The following ZCCHC10 variants were observed in gnomAD, a reference collection of about 807,000 sequenced individuals.
ZCCHC10 encodes zinc finger CCHC-type containing 10, also known as zinc finger CCHC domain-containing protein 10.
A neutral mutation model predicts 19.5 loss-of-function variants in ZCCHC10; 16 were observed. The ratio of observed to expected loss-of-function variants is 0.82; its 90% CI spans 0.56 to 1.25. ZCCHC10 has a LOEUF of 1.25. Among genes scored for constraint, ZCCHC10 ranks in the 50% most tolerant of loss-of-function variants. The probability of loss-of-function intolerance (pLI) is 0.00; values close to 1 mark genes in which losing one functional copy is unlikely to be tolerated. For synonymous variants in ZCCHC10, 67 were observed against 72.5 expected (o/e 0.92, Z 0.38); for missense variants, 197 against 201.0 (o/e 0.98, Z 0.12).
chr5:132,999,100 G>C (rs73273041), intron 4 of ZCCHC10, among the ~76,000 whole-genome samples: 5,913 of 151,998 alleles, frequency 0.039, 401 homozygotes, highest in East Asian at 0.29. Flanking sequence ...ATTTTTAGTA[G>C]AGACGGGGTT....
chr5:133,000,044 G>A (rs1762661552), intron 4 of ZCCHC10, 88 bp downstream of exon 4: 1 of 1,447,370 alleles, frequency 6.9e-7, no homozygotes, highest in Non-Finnish European at 9.6e-7. Context: ...CACTGCATCT[G>A]GCATAGCTAT....
intron 3 of ZCCHC10, among the ~76,000 whole-genome samples, chr5:133,002,451 C>T (rs189713433): frequency 6.6e-6 from 1 of 152,202 alleles, no homozygotes; most frequent in African/African-American, 2.4e-5. Flanking sequence ...AAGTGATCCT[C>T]CCACCTTAGC....
At chr5:133,001,333 G>C (rs778641075) in intron 3 of ZCCHC10, among the ~76,000 whole-genome samples, 40 of 152,154 alleles carry the variant, frequency 2.6e-4, no homozygotes, top group South Asian at 8.3e-4. Context: ...AGAGGTTGCA[G>C]TGAGCTGAGA....
chr5:133,000,483 T>C (rs1023564188), intron 3 of ZCCHC10, among the ~76,000 whole-genome samples: 1 of 152,182 alleles, frequency 6.6e-6, no homozygotes, highest in Non-Finnish European at 1.5e-5. Context: ...CTGATATAGC[T>C]GTATCACTAC....
intron 2 of ZCCHC10, among the ~76,000 whole-genome samples, chr5:133,021,187 G>C (rs540995465): frequency 6.6e-6 from 1 of 151,800 alleles, no homozygotes; most frequent in Non-Finnish European, 1.5e-5. Context: ...GAGCCACCGC[G>C]CACGGCCTAA....
chr5:133,016,658 G>T (rs1763940668), intron 2 of ZCCHC10, among the ~76,000 whole-genome samples: 1 of 151,992 alleles, frequency 6.6e-6, no homozygotes, highest in Non-Finnish European at 1.5e-5. Flanking sequence ...GGCCAGGCTG[G>T]TCTTGAACTC....
intron 3 of ZCCHC10, among the ~76,000 whole-genome samples, chr5:133,006,193 C>A (rs1449001238): frequency 6.6e-6 from 1 of 151,972 alleles, no homozygotes; most frequent in East Asian, 1.9e-4. Context: ...CCATGTTGGC[C>A]AGGCGTCGGC....
At chr5:133,006,962 T>C in intron 2 of ZCCHC10, 42 bp from the exon 3 acceptor site, 1 of 1,532,192 alleles carries the variant, frequency 6.5e-7, no homozygotes, top group Non-Finnish European at 8.8e-7. Flanking sequence ...AAATTCTGTC[T>C]TGTGACTTTC....
chr5:133,007,306 G>A (rs977419662), intron 2 of ZCCHC10, among the ~76,000 whole-genome samples: 1 of 152,122 alleles, frequency 6.6e-6, no homozygotes, highest in Non-Finnish European at 1.5e-5. Context: ...ACTTTGGGAG[G>A]CTAAGGCAGG....
chr5:133,018,932 C>G (rs11956947), intron 2 of ZCCHC10: 90,518 of 335,350 alleles, frequency 0.27, 13,843 homozygotes, highest in African/African-American at 0.48. Flanking sequence ...AGGGTGTTGG[C>G]GGTGGGGGTC....
At chr5:133,001,138 A>C (rs1040982729) in intron 3 of ZCCHC10, among the ~76,000 whole-genome samples, 2 of 151,826 alleles carry the variant, frequency 1.3e-5, no homozygotes, top group African/African-American at 4.8e-5. Flanking sequence ...CTGTAATCCC[A>C]GCAGTTTGGG....
intron 2 of ZCCHC10, among the ~76,000 whole-genome samples, chr5:133,013,538 A>G (rs1763714390): frequency 6.6e-6 from 1 of 151,972 alleles, no homozygotes; most frequent in African/African-American, 2.4e-5. Context: ...CCTGGACAAC[A>G]TAGTGAAACC....
chr5:133,004,365 G>C (rs1762968986), intron 3 of ZCCHC10, among the ~76,000 whole-genome samples: 1 of 151,890 alleles, frequency 6.6e-6, no homozygotes, highest in Admixed American at 6.6e-5. Context: ...GTAGAGACGG[G>C]GTTTCTCCAT....
chr5:133,008,698 A>G (rs1482548102), intron 2 of ZCCHC10, among the ~76,000 whole-genome samples: 1 of 151,922 alleles, frequency 6.6e-6, no homozygotes. Flanking sequence ...GCAAGACTCA[A>G]TCTCTACAAC....
At chr5:133,018,148 A>G (rs930939933) in intron 2 of ZCCHC10, among the ~76,000 whole-genome samples, 2 of 148,234 alleles carry the variant, frequency 1.3e-5, no homozygotes, top group Non-Finnish European at 3.0e-5. Context: ...CTGTCTCAAA[A>G]AAAAAAAAAA....
At chr5:133,025,528 A>G (rs971536849) in intron 1 of ZCCHC10, among the ~76,000 whole-genome samples, 3 of 147,066 alleles carry the variant, frequency 2.0e-5, no homozygotes, top group Non-Finnish European at 3.0e-5. Context: ...AAAAAAAAAA[A>G]AAAAAGAAAG....
intron 2 of ZCCHC10, among the ~76,000 whole-genome samples, chr5:133,008,537 C>CAAAAAAA (rs567424776): frequency 2.0e-5 from 2 of 98,472 alleles, no homozygotes; most frequent in Admixed American, 1.1e-4. Context: ...GACTCCATCT[C>CAAAAAAA]AAAAAAAAAA....
intron 3 of ZCCHC10, among the ~76,000 whole-genome samples, chr5:133,005,544 GT>G (rs1763065496): frequency 6.6e-6 from 1 of 152,168 alleles, no homozygotes; most frequent in South Asian, 2.1e-4. Flanking sequence ...AACCCAGGAG[GT>G]GGAGGTTGCA....
chr5:133,003,273 G>A (rs551454166), intron 3 of ZCCHC10: 7 of 460,010 alleles, frequency 1.5e-5, no homozygotes, highest in Non-Finnish European at 2.6e-5. Context: ...CTAACCCAGA[G>A]CCCTGAACAA....
Sources: gnomAD v4.1 joint callset for allele counts (sites outside exome capture counted in the v4.1 genomes callset) on GRCh38, gnomAD v4.1.1 for gene constraint, MANE v1.5 for transcripts, NCBI Gene and HGNC (gene_info 2026-07-23, HGNC 2026-07-21) for gene names.